RBM46: variants seen among roughly 807,000 people sequenced by gnomAD.
The protein encoded by RBM46 is probable RNA-binding protein 46.
Under a neutral mutation model 43.3 loss-of-function variants are expected in RBM46, and 12 were observed. The ratio of observed to expected loss-of-function variants is 0.28; its 90% CI spans 0.18 to 0.45. RBM46 has a LOEUF of 0.45. Ranked by LOEUF, RBM46 falls within the 20% of genes least tolerant of loss-of-function variation. The probability of loss-of-function intolerance (pLI) is 1.00; values close to 1 mark genes in which losing one functional copy is unlikely to be tolerated. For synonymous variants in RBM46, 205 were observed against 207.6 expected, an observed-to-expected ratio of 0.99 and a Z score of 0.11; for missense variants, 412 against 639.1, an observed-to-expected ratio of 0.64 and a Z score of 3.83.
chr4:154,787,634 C>T (rs185403163), intron 1 of RBM46, among the ~76,000 whole-genome samples: 1 of 152,256 alleles, frequency 6.6e-6, no homozygotes, highest in Non-Finnish European at 1.5e-5. Context: ...AATAGTGCCA[C>T]AGTAAACATA....
chr4:154,803,993 A>C (rs1734779565), intron 4 of RBM46, among the ~76,000 whole-genome samples: 1 of 152,092 alleles, frequency 6.6e-6, no homozygotes, highest in Non-Finnish European at 1.5e-5. Flanking sequence ...TGGTTGTTTA[A>C]AAGTGTGTAG....
Position 154,798,124 on chromosome 4 carries a change from A to G in RBM46, c.465A>G (p.Glu155=). Reference sequence around the variant, plus strand: ...CTATTCCCAAGGAAAAGAAGAAAGAAGAAATTTTAGATGAAATGAAGAAAG... The same window carrying G: ...CTATTCCCAAGGAAAAGAAGAAAGAGGAAATTTTAGATGAAATGAAGAAAG... ...IGAIPKEKKK[E]EILDEMKKVT... is the part of the protein sequence containing the mutation. The change falls in exon 3 of 5, where the codon GAA becomes GAG. Residue 155 remains glutamate, a synonymous_variant. Transcript: ENST00000281722. The G allele has an allele frequency of 6.2e-7, 1 of 1,613,976 alleles. No individual in the cohort carries two copies. Among genetic ancestry groups the G allele is most frequent in the Non-Finnish European group, 8.5e-7 (1 of 1,179,884 alleles).
At chr4:154,812,418 TG>T (rs1735224164) in intron 4 of RBM46, among the ~76,000 whole-genome samples, 1 of 152,182 alleles carries the variant, frequency 6.6e-6, no homozygotes, top group Non-Finnish European at 1.5e-5. Flanking sequence ...GGTAGCTTCA[TG>T]ATTTTTAAAT....
At chr4:154,808,710 A>G (rs1578930454) in intron 4 of RBM46, among the ~76,000 whole-genome samples, 1 of 152,206 alleles carries the variant, frequency 6.6e-6, no homozygotes, top group South Asian at 2.1e-4. Flanking sequence ...TTTGGAAAAC[A>G]GGTTAAGATT....
At chr4:154,790,222 G>A (rs1734013651) in intron 1 of RBM46, 1 of 152,116 alleles carries the variant, frequency 6.6e-6, no homozygotes, top group African/African-American at 2.4e-5. Context: ...GCTTTTGAAT[G>A]TGTTTGCTCT....
chr4:154,809,722 A>T (rs2111174505), intron 4 of RBM46, among the ~76,000 whole-genome samples: 1 of 152,276 alleles, frequency 6.6e-6, no homozygotes, highest in East Asian at 1.9e-4. Context: ...CCTAAGTATT[A>T]CATTAGTCTG....
At chr4:154,804,533 G>A (rs1053539706) in intron 4 of RBM46, among the ~76,000 whole-genome samples, 2 of 152,182 alleles carry the variant, frequency 1.3e-5, no homozygotes, top group African/African-American at 4.8e-5. Flanking sequence ...GAGAGTTAGA[G>A]TTTTGAAGAA....
chr4:154,815,236 A>T (rs376997432), intron 4 of RBM46, among the ~76,000 whole-genome samples: 4 of 152,154 alleles, frequency 2.6e-5, no homozygotes, highest in African/African-American at 9.6e-5. Context: ...TGATGAAAAT[A>T]TAAAGAACTA....
chr4:154,809,652 C>T (rs991123905), intron 4 of RBM46, among the ~76,000 whole-genome samples: 3 of 152,148 alleles, frequency 2.0e-5, no homozygotes, highest in African/African-American at 7.2e-5. Flanking sequence ...TCAGTTTCTC[C>T]TCCACTCAAT....
intron 4 of RBM46, among the ~76,000 whole-genome samples, chr4:154,814,278 C>T (rs145856992): frequency 7.9e-5 from 12 of 151,968 alleles, no homozygotes; most frequent in African/African-American, 2.9e-4. Context: ...CTTTTCTTTC[C>T]CCTAGTCTCT....
chr4:154,791,967 T>C (rs1734115828), intron 1 of RBM46, among the ~76,000 whole-genome samples: 1 of 152,164 alleles, frequency 6.6e-6, no homozygotes, highest in Non-Finnish European at 1.5e-5. Flanking sequence ...TTTGATGTTA[T>C]AATCTAAAAA....
intron 4 of RBM46, 58 bp downstream of exon 4, chr4:154,799,622 T>TC: frequency 1.7e-6 from 2 of 1,185,124 alleles, no homozygotes; most frequent in Non-Finnish European, 2.3e-6. Flanking sequence ...TACTGTAGAT[T>TC]ATTTTTAAAT....
intron 4 of RBM46, among the ~76,000 whole-genome samples, chr4:154,808,429 C>G (rs543040435): frequency 6.6e-5 from 10 of 151,622 alleles, no homozygotes; most frequent in Admixed American, 1.3e-4. Flanking sequence ...TTTGTAAGAC[C>G]GAAGCCCATT....
At chr4:154,806,013 A>G (rs998137005) in intron 4 of RBM46, among the ~76,000 whole-genome samples, 3 of 151,952 alleles carry the variant, frequency 2.0e-5, no homozygotes, top group African/African-American at 7.2e-5. Context: ...AGGCATCAGG[A>G]TCAACATTTT....
chr4:154,783,007 A>G (rs888521819), intron 1 of RBM46, among the ~76,000 whole-genome samples: 11 of 152,210 alleles, frequency 7.2e-5, no homozygotes, highest in African/African-American at 2.4e-5. Context: ...TCTTTTCAGA[A>G]TTGAATCTCC....
At chr4:154,796,307 A>G (rs1734348578) in intron 1 of RBM46, among the ~76,000 whole-genome samples, 1 of 152,178 alleles carries the variant, frequency 6.6e-6, no homozygotes, top group Non-Finnish European at 1.5e-5. Flanking sequence ...GGTGCCATTT[A>G]TTGGTTGAAT....
At chr4:154,813,002 T>C (rs1288031214) in intron 4 of RBM46, among the ~76,000 whole-genome samples, 2 of 152,228 alleles carry the variant, frequency 1.3e-5, no homozygotes, top group Non-Finnish European at 2.9e-5. Context: ...TCCATCAGTG[T>C]ATATAAAGCC....
chr4:154,810,088 G>T (rs1294167073), intron 4 of RBM46, among the ~76,000 whole-genome samples: 1 of 151,792 alleles, frequency 6.6e-6, no homozygotes, highest in African/African-American at 2.4e-5. Context: ...GTGAGTACAT[G>T]TTTTCATTTT....
intron 4 of RBM46, among the ~76,000 whole-genome samples, chr4:154,815,321 A>G (rs906762006): frequency 6.6e-6 from 1 of 151,942 alleles, no homozygotes; most frequent in African/African-American, 2.4e-5. Flanking sequence ...ATTTGCACAC[A>G]TTCCTGTTGA....
Sources: gnomAD v4.1 joint callset for allele counts (sites outside exome capture counted in the v4.1 genomes callset) on GRCh38, gnomAD v4.1.1 for gene constraint, MANE v1.5 for transcripts, NCBI Gene and HGNC (gene_info 2026-07-23, HGNC 2026-07-21) for gene names.